SYT1: variants seen among roughly 807,000 people sequenced by gnomAD.
SYT1 encodes the protein synaptotagmin 1.
Under a neutral mutation model 44.8 loss-of-function variants are expected in SYT1, and 8 were observed. The ratio of observed to expected loss-of-function variants is 0.18; its 90% CI spans 0.10 to 0.32. The LOEUF (loss-of-function observed/expected upper bound fraction) is 0.32, where lower values mean the gene tolerates loss of function less well. SYT1 is among the 10% of genes least tolerant of loss of function. The pLI, the probability that SYT1 is intolerant of heterozygous loss-of-function variation, is 1.00. For missense variants in SYT1, 286 were observed against 509.3 expected (o/e 0.56, Z 4.22); for synonymous variants, 154 against 188.8 (o/e 0.82, Z 1.51).
chr12:79,378,506 C>T (rs989766218), intron 9 of SYT1, among the ~76,000 whole-genome samples: 4 of 152,188 alleles, frequency 2.6e-5, no homozygotes, highest in Admixed American at 6.5e-5. Flanking sequence ...TTTAAAGAAT[C>T]AACTGAAGAG....
intron 3 of SYT1, among the ~76,000 whole-genome samples, chr12:79,205,995 A>T (rs1827225389): frequency 6.6e-6 from 1 of 152,202 alleles, no homozygotes. Context: ...TAACTACAAG[A>T]TGCACCATTA....
At chr12:78,907,664 G>A (rs971012467) in intron 1 of SYT1, among the ~76,000 whole-genome samples, 3 of 151,962 alleles carry the variant, frequency 2.0e-5, no homozygotes, top group African/African-American at 7.2e-5. Flanking sequence ...TGAGCTGTCT[G>A]AAACCAAAAT....
At chr12:79,148,026 G>GAA (rs11390201) in intron 3 of SYT1, among the ~76,000 whole-genome samples, 13,704 of 151,542 alleles carry the variant, frequency 0.09, 767 homozygotes, top group African/African-American at 0.16. Flanking sequence ...AAACATTAAT[G>GAA]AAAAAAAAGA....
rs186197476 is a variant in SYT1, at chr12:79,425,704, T to C, written c.929-18369T>C. Among the ~76,000 whole-genome samples the C allele has an allele frequency of 5.6e-4, 86 of 152,342 alleles. No individual in the cohort carries two copies. In the East Asian group the frequency reaches 0.011, roughly 20 times the overall value. On this transcript the variant is annotated intron_variant, in intron 9 of 10. Coordinates refer to ENST00000261205, the MANE Select transcript of SYT1 (RefSeq NM_005639.3). ...GTACATTGACATTTTAATTAACAAG[T>C]TCTTACTTAAATTTTAACTCCAAAG...
chr12:79,147,546 A>G (rs1424563106), intron 3 of SYT1, among the ~76,000 whole-genome samples: 1 of 152,212 alleles, frequency 6.6e-6, no homozygotes, highest in Non-Finnish European at 1.5e-5. Flanking sequence ...AAATTTGGAC[A>G]ATTTTAAGTA....
At chr12:79,232,250 G>C (rs1297988531) in intron 4 of SYT1, among the ~76,000 whole-genome samples, 1 of 152,156 alleles carries the variant, frequency 6.6e-6, no homozygotes, top group Non-Finnish European at 1.5e-5. Flanking sequence ...CCATAGGAAG[G>C]AGTTAAATCA....
chr12:79,448,808 C>A, intron 10 of SYT1, 110 bp from the exon 11 acceptor site: 1 of 928,810 alleles, frequency 1.1e-6, no homozygotes, highest in Non-Finnish European at 1.7e-6. Context: ...CATCCTAGTG[C>A]TTGGAGATTG....
intron 1 of SYT1, among the ~76,000 whole-genome samples, chr12:78,967,027 C>T (rs1868264281): frequency 6.6e-6 from 1 of 151,980 alleles, no homozygotes; most frequent in Non-Finnish European, 1.5e-5. Flanking sequence ...ATTTTATTTC[C>T]TTATGCCATA....
intron 1 of SYT1, among the ~76,000 whole-genome samples, chr12:78,886,205 A>G (rs916530441): frequency 2.0e-5 from 3 of 151,952 alleles, no homozygotes; most frequent in South Asian, 4.1e-4. Context: ...ATTTTTTTCT[A>G]TGATTGAAAG....
chr12:78,969,150 A>G (rs1287642695), intron 1 of SYT1, among the ~76,000 whole-genome samples: 1 of 152,212 alleles, frequency 6.6e-6, no homozygotes, highest in Non-Finnish European at 1.5e-5. Context: ...TGGCATTTAC[A>G]TTGTATTAGG....
At chr12:78,931,472 A>AGAAG (rs1445885864) in intron 1 of SYT1, among the ~76,000 whole-genome samples, 1 of 152,000 alleles carries the variant, frequency 6.6e-6, no homozygotes, top group East Asian at 1.9e-4. Flanking sequence ...AGAAAAAGAA[A>AGAAG]GAAAGAAAGA....
chr12:78,869,205 C>G (rs1337871418), intron 1 of SYT1, among the ~76,000 whole-genome samples: 1 of 151,558 alleles, frequency 6.6e-6, no homozygotes, highest in Non-Finnish European at 1.5e-5. Context: ...AGAAATTTAA[C>G]ATTTCCAAAA....
intron 2 of SYT1, among the ~76,000 whole-genome samples, chr12:79,041,397 G>A (rs1210382405): frequency 6.6e-6 from 1 of 152,006 alleles, no homozygotes; most frequent in East Asian, 1.9e-4. Flanking sequence ...TTGTGAATGG[G>A]ATTTCACTCA....
At chr12:78,914,603 T>C (rs1876541461) in intron 1 of SYT1, among the ~76,000 whole-genome samples, 1 of 151,936 alleles carries the variant, frequency 6.6e-6, no homozygotes, top group South Asian at 2.1e-4. Flanking sequence ...ATGTTTCCAC[T>C]TAAATGCCCT....
At chr12:79,122,479 A>C (rs1592767441) in intron 3 of SYT1, among the ~76,000 whole-genome samples, 1 of 124,032 alleles carries the variant, frequency 8.1e-6, no homozygotes, top group East Asian at 2.9e-4. Flanking sequence ...GCGCCACTGC[A>C]CTCCAGCCTG....
At chr12:79,321,054 C>T (rs1309680007) in intron 8 of SYT1, among the ~76,000 whole-genome samples, 1 of 152,086 alleles carries the variant, frequency 6.6e-6, no homozygotes, top group Non-Finnish European at 1.5e-5. Context: ...GTTCAGTCCC[C>T]TTGAGAGGAA....
intron 9 of SYT1, among the ~76,000 whole-genome samples, chr12:79,403,381 C>T (rs1269868843): frequency 1.3e-5 from 2 of 152,066 alleles, no homozygotes; most frequent in African/African-American, 2.4e-5. Flanking sequence ...GACTGGAGAC[C>T]CAGGAAATAC....
At chr12:79,117,701 ATATATATATAT>A (rs1879369697) in intron 3 of SYT1, among the ~76,000 whole-genome samples, 2 of 120,246 alleles carry the variant, frequency 1.7e-5, no homozygotes, top group Non-Finnish European at 3.5e-5. Flanking sequence ...ATATATATAT[ATATATATATAT>A]ATAAAATAAA....
chr12:78,870,171 T>C (rs1008298797), intron 1 of SYT1, among the ~76,000 whole-genome samples: 3 of 152,110 alleles, frequency 2.0e-5, no homozygotes, highest in Non-Finnish European at 4.4e-5. Context: ...CATACAGCCC[T>C]GTTGGACAAC....
Sources: gnomAD v4.1 joint callset for allele counts (sites outside exome capture counted in the v4.1 genomes callset) on GRCh38, gnomAD v4.1.1 for gene constraint, MANE v1.5 for transcripts, NCBI Gene and HGNC (gene_info 2026-07-23, HGNC 2026-07-21) for gene names.